Variants in FBXL5 observed in about 807,000 individuals in gnomAD.
FBXL5 encodes the protein F-box/LRR-repeat protein 5.
FBXL5 carries 26 observed loss-of-function variants against 78.3 expected under a neutral mutation model. The ratio of observed to expected loss-of-function variants is 0.33; its 90% CI spans 0.24 to 0.46. FBXL5 has a LOEUF of 0.46. FBXL5 is among the 20% of genes least tolerant of loss of function. The probability of loss-of-function intolerance (pLI) is 1.00; values close to 1 mark genes in which losing one functional copy is unlikely to be tolerated. For missense variants in FBXL5, 710 were observed against 829.2 expected, an observed-to-expected ratio of 0.86 and a Z score of 1.77; for synonymous variants, 295 against 282.5, an observed-to-expected ratio of 1.04 and a Z score of -0.45.
At chr4:15,646,519 A>G (rs1394263148) in intron 1 of FBXL5, among the ~76,000 whole-genome samples, 3 of 151,688 alleles carry the variant, frequency 2.0e-5, no homozygotes, top group African/African-American at 7.2e-5. Flanking sequence ...TACAAAATCA[A>G]AAGAAACCAT....
At chr4:15,635,036 A>C (rs1714100870) in intron 5 of FBXL5, among the ~76,000 whole-genome samples, 1 of 152,200 alleles carries the variant, frequency 6.6e-6, no homozygotes, top group South Asian at 2.1e-4. Flanking sequence ...GCTTATTTTA[A>C]AAGTACTATA....
At chr4:15,646,242 A>G (rs750572881) in intron 1 of FBXL5, among the ~76,000 whole-genome samples, 10 of 152,184 alleles carry the variant, frequency 6.6e-5, no homozygotes, top group Non-Finnish European at 1.0e-4. Context: ...ATAATTTTTC[A>G]CATGTCACAA....
chr4:15,623,296 TA>T (rs1178603312), intron 9 of FBXL5, among the ~76,000 whole-genome samples: 1 of 152,088 alleles, frequency 6.6e-6, no homozygotes, highest in Non-Finnish European at 1.5e-5. Context: ...AATCAATTTT[TA>T]ATTATATAAA....
chr4:15,680,087 G>A (rs1320049567), intron 1 of FBXL5, among the ~76,000 whole-genome samples: 2 of 151,502 alleles, frequency 1.3e-5, no homozygotes, highest in Non-Finnish European at 2.9e-5. Flanking sequence ...TACTGATAAG[G>A]AGGAATATCC....
chr4:15,609,375 T>C (rs1425538150), intron 10 of FBXL5, among the ~76,000 whole-genome samples: 1 of 152,142 alleles, frequency 6.6e-6, no homozygotes, highest in Non-Finnish European at 1.5e-5. Flanking sequence ...TTAGCTATTA[T>C]TTCTCCAGAC....
chr4:15,640,632 T>C (rs1457233327), intron 3 of FBXL5, among the ~76,000 whole-genome samples, 156 bp downstream of exon 3: 1 of 152,006 alleles, frequency 6.6e-6, no homozygotes, highest in South Asian at 2.1e-4. Context: ...AACGTTTTTT[T>C]TTTCCCTTGG....
At chr4:15,674,417 T>C (rs987749787) in intron 1 of FBXL5, among the ~76,000 whole-genome samples, 1 of 152,140 alleles carries the variant, frequency 6.6e-6, no homozygotes, top group Non-Finnish European at 1.5e-5. Context: ...AACTTATGAA[T>C]ACATAGCACA....
chr4:15,665,274 A>G (rs1397164646), intron 1 of FBXL5, among the ~76,000 whole-genome samples: 2 of 152,248 alleles, frequency 1.3e-5, no homozygotes, highest in Non-Finnish European at 2.9e-5. Flanking sequence ...GCCGTCAACC[A>G]TATTTACTTA....
chr4:15,639,322 C>T (rs1227427407), intron 3 of FBXL5, among the ~76,000 whole-genome samples: 1 of 152,200 alleles, frequency 6.6e-6, no homozygotes, highest in Non-Finnish European at 1.5e-5. Context: ...CAGTTAACTG[C>T]CTTCTGGTAC....
chr4:15,652,141 T>C (rs1716156536), intron 1 of FBXL5, among the ~76,000 whole-genome samples: 1 of 152,140 alleles, frequency 6.6e-6, no homozygotes, highest in Non-Finnish European at 1.5e-5. Flanking sequence ...CTTGGAGAAC[T>C]GGAGAAAAGA....
At chr4:15,607,478 C>T (rs898373001) in intron 10 of FBXL5, among the ~76,000 whole-genome samples, 1 of 152,108 alleles carries the variant, frequency 6.6e-6, no homozygotes, top group African/African-American at 2.4e-5. Flanking sequence ...ATCTTAATCA[C>T]AAACTCAAGA....
At chr4:15,673,611 T>G (rs553117520) in intron 1 of FBXL5, among the ~76,000 whole-genome samples, 1 of 152,372 alleles carries the variant, frequency 6.6e-6, no homozygotes, top group South Asian at 2.1e-4. Context: ...TGTCTTTATG[T>G]GATCCAAGAC....
intron 3 of FBXL5, among the ~76,000 whole-genome samples, chr4:15,639,387 C>G (rs888611098): frequency 1.3e-5 from 2 of 152,160 alleles, no homozygotes; most frequent in Non-Finnish European, 2.9e-5. Flanking sequence ...AGAGTAGTAC[C>G]CAGTGTAGTG....
intron 5 of FBXL5, among the ~76,000 whole-genome samples, chr4:15,634,663 G>A (rs564450309): frequency 9.2e-5 from 14 of 151,764 alleles, no homozygotes; most frequent in Admixed American, 2.6e-4. Flanking sequence ...CACTGTGCCC[G>A]GCCATTTTTT....
upstream of FBXL5, among the ~76,000 whole-genome samples, chr4:15,660,963 G>A (rs1157892099): frequency 1.3e-5 from 2 of 152,066 alleles, no homozygotes; most frequent in Admixed American, 6.6e-5. Flanking sequence ...TGTAGTACCA[G>A]CTACTGGAAA....
At chr4:15,672,968 C>T (rs1389353260) in intron 1 of FBXL5, among the ~76,000 whole-genome samples, 2 of 152,100 alleles carry the variant, frequency 1.3e-5, no homozygotes, top group African/African-American at 2.4e-5. Flanking sequence ...TCACAATCAA[C>T]AGTATCACTG....
intron 10 of FBXL5, among the ~76,000 whole-genome samples, chr4:15,606,904 C>T (rs1376382383): frequency 6.6e-6 from 1 of 152,030 alleles, no homozygotes; most frequent in Non-Finnish European, 1.5e-5. Context: ...GCTGCAACAA[C>T]AACAACAAAA....
chr4:15,606,539 AG>A (rs1475920629), intron 10 of FBXL5, among the ~76,000 whole-genome samples: 1 of 152,224 alleles, frequency 6.6e-6, no homozygotes, highest in Non-Finnish European at 1.5e-5. Context: ...ATATCAAAGA[AG>A]AAGTTTCACA....
At chr4:15,656,992 TCA>T (rs1465245068), upstream of FBXL5, among the ~76,000 whole-genome samples, 2 of 149,998 alleles carry the variant, frequency 1.3e-5, no homozygotes, top group African/African-American at 2.4e-5. Context: ...GATGGCTTAT[TCA>T]CAGTCTGTCT....
Sources: gnomAD v4.1 joint callset for allele counts (sites outside exome capture counted in the v4.1 genomes callset) on GRCh38, gnomAD v4.1.1 for gene constraint, MANE v1.5 for transcripts, NCBI Gene and HGNC (gene_info 2026-07-23, HGNC 2026-07-21) for gene names.